Variants in FAM228B observed in about 807,000 individuals in gnomAD.
The protein encoded by FAM228B is protein FAM228B.
In FAM228B, 38 loss-of-function variants were observed where a neutral mutation model predicts 42.6. That is an observed-to-expected ratio of 0.89 (90% CI 0.69 to 1.17). The LOEUF (loss-of-function observed/expected upper bound fraction) is 1.17. Ranked by LOEUF, FAM228B falls within the 50% of genes most tolerant of loss-of-function variation. FAM228B has a pLI of 0.00. For missense variants in FAM228B, 344 were observed against 367.3 expected, an observed-to-expected ratio of 0.94 and a Z score of 0.52; for synonymous variants, 109 against 122.3, an observed-to-expected ratio of 0.89 and a Z score of 0.72.
At chr2:24,127,546 GT>G (rs1173264460) in intron 2 of FAM228B, among the ~76,000 whole-genome samples, 2 of 152,090 alleles carry the variant, frequency 1.3e-5, no homozygotes, top group Non-Finnish European at 2.9e-5. Context: ...CAGTGATACC[GT>G]TTTAAATTTT....
upstream of FAM228B, chr2:24,121,437 T>C (rs115503534): frequency 1.8e-3 from 1,384 of 760,340 alleles, 12 homozygotes; most frequent in African/African-American, 0.021. Flanking sequence ...GGAAAAAAAA[T>C]CAAAAGAATA....
intron 2 of FAM228B, among the ~76,000 whole-genome samples, chr2:24,125,748 A>G (rs1392279368): frequency 1.6e-4 from 24 of 152,048 alleles, no homozygotes; most frequent in Admixed American, 1.6e-3. Context: ...TTTTTAGTAG[A>G]GACGGGGTTT....
At chr2:24,111,813 A>C (rs1458342369) in intron 3 of FAM228B, among the ~76,000 whole-genome samples, 1 of 152,086 alleles carries the variant, frequency 6.6e-6, no homozygotes, top group East Asian at 1.9e-4. Flanking sequence ...CCCCACAAGC[A>C]GAGGGGGCTG....
chr2:24,090,140 C>T (rs1005484173), intron 2 of FAM228B, among the ~76,000 whole-genome samples: 2 of 151,664 alleles, frequency 1.3e-5, no homozygotes, highest in South Asian at 4.2e-4. Flanking sequence ...TGGTGGCTGG[C>T]GCCTGTAGTC....
Sources: gnomAD v4.1 joint callset for allele counts (sites outside exome capture counted in the v4.1 genomes callset) on GRCh38, gnomAD v4.1.1 for gene constraint, MANE v1.5 for transcripts, NCBI Gene and HGNC (gene_info 2026-07-23, HGNC 2026-07-21) for gene names.